ZNF26: variants seen among roughly 807,000 people sequenced by gnomAD.
ZNF26 encodes the protein epididymis luminal protein 179.
In ZNF26, 32 loss-of-function variants were observed where a neutral mutation model predicts 54.9. That is an observed-to-expected ratio of 0.58 (90% confidence interval 0.44 to 0.78). The LOEUF (loss-of-function observed/expected upper bound fraction) is 0.78, where lower values mean the gene tolerates loss of function less well. Among genes scored for constraint, ZNF26 ranks in the 30% least tolerant of loss-of-function variants. ZNF26 has a pLI of 0.00. For synonymous variants in ZNF26, 221 were observed against 209.2 expected, an observed-to-expected ratio of 1.06 and a Z score of -0.49; for missense variants, 524 against 634.0, an observed-to-expected ratio of 0.83 and a Z score of 1.86.
intron 2 of ZNF26, 59 bp from the exon 3 acceptor site, chr12:133,007,378 A>G (rs1953354063): frequency 6.8e-7 from 1 of 1,466,028 alleles, no homozygotes; most frequent in Non-Finnish European, 9.4e-7. Flanking sequence ...GTAGCTCTTG[A>G]TTCCTCGGTC....
chr12:132,999,575 A>G (rs999065012), intron 1 of ZNF26, among the ~76,000 whole-genome samples: 1 of 151,886 alleles, frequency 6.6e-6, no homozygotes, highest in Non-Finnish European at 1.5e-5. Context: ...TTTAAAGAAA[A>G]TGATTTTAGT....
At chr12:133,007,733 A>G (rs1302141644) in intron 3 of ZNF26, among the ~76,000 whole-genome samples, 8 of 152,060 alleles carry the variant, frequency 5.3e-5, no homozygotes, top group Non-Finnish European at 1.2e-4. Flanking sequence ...CTTCCCCCTT[A>G]CTGTTGAGAG....
chr12:133,008,669 A>C (rs966836147), intron 3 of ZNF26, among the ~76,000 whole-genome samples: 1 of 150,778 alleles, frequency 6.6e-6, no homozygotes, highest in African/African-American at 2.4e-5. Context: ...CCAGCTACTC[A>C]GGAGGCTGAG....
chr12:133,013,249 G>C lies in ZNF26; in HGVS notation c.*1768G>C, dbSNP rs1953519700. 2.6e-5 allele frequency: 4 copies of C among 152,370 alleles called. No individual in the cohort carries two copies. The East Asian group carries it at 5.8e-4, about 22-fold the overall frequency. 9.4% of individuals were successfully genotyped at this position (152,370 alleles called of 1,614,324 possible). On this transcript the variant is annotated 3_prime_UTR_variant, in exon 4 of 4. Coordinates refer to ENST00000328654, the MANE Select transcript of ZNF26 (RefSeq NM_019591.4). ...AGCCCTGAAATCTCACCTCAGGGTG[G>C]AGTGTCAGACTTGGCAACTTTGACA...
intron 1 of ZNF26, 104 bp downstream of exon 1, chr12:132,986,977 T>C: frequency 7.5e-7 from 1 of 1,324,640 alleles, no homozygotes; most frequent in Middle Eastern, 1.8e-4. Flanking sequence ...TCAGCTGTAA[T>C]TGTGTGCGTA....
At position 133,022,337 on chromosome 12, in the gene ZNF26, CAAATT is replaced by C. The variant is rs1953654845; in HGVS notation, c.*10857_*10861del. On this transcript the variant is annotated 3_prime_UTR_variant, in exon 4 of 4. Coordinates refer to ENST00000328654, the MANE Select transcript of ZNF26 (RefSeq NM_019591.4). ...AAAAATAATATAAAATGGGATTTAA[CAAATT>C]GAATCAATTTTCAGTGGCATCAAAA... 1 of 152,136 alleles carries C rather than the reference CAAATT, an allele frequency of 6.6e-6. No homozygotes were observed. Among genetic ancestry groups the C allele is most frequent in the African/African-American group, 2.4e-5 (1 of 41,434 alleles). The allele number at this position is 152,136 out of a possible 1,614,324, so 9.4% of individuals were successfully genotyped here.
At position 133,022,329 on chromosome 12, in the gene ZNF26, G is replaced by A. The variant is rs1433063927; in HGVS notation, c.*10848G>A. 2.0e-5 allele frequency: 3 copies of A among 152,106 alleles called. No homozygotes were observed. The highest frequency in any genetic ancestry group is 7.2e-5 in the African/African-American group (3 of 41,506). The allele number at this position is 152,106 out of a possible 1,614,324, so 9.4% of individuals were successfully genotyped here. A position where few individuals can be genotyped will look rare whatever the true frequency, so the allele number is the denominator to read the frequency against. ...TATATCAGAAAAATAATATAAAATG[G>A]GATTTAACAAATTGAATCAATTTTC... On this transcript the variant is annotated 3_prime_UTR_variant, in exon 4 of 4. Transcript: ENST00000328654.
rs1435142953 is a variant in ZNF26 at position 133,014,495 on chromosome 12, G to A, written c.*3014G>A. 2 of 151,884 alleles carry A rather than the reference G, an allele frequency of 1.3e-5. No homozygotes were observed. Among genetic ancestry groups the A allele is most frequent in the Admixed American group, 6.6e-5 (1 of 15,260 alleles). 9.4% of individuals were successfully genotyped at this position (151,884 alleles called of 1,614,324 possible). On this transcript the variant is annotated 3_prime_UTR_variant, in exon 4 of 4. Transcript: ENST00000328654. ...ACTTACAGCATATACTTGGTGCACT[G>A]ACACCCAGCAGTGATGATGGTTTTG... is the stretch of plus-strand genomic sequence containing the variant.
chr12:132,994,547 C>A (rs1289700617), intron 1 of ZNF26, among the ~76,000 whole-genome samples: 1 of 152,148 alleles, frequency 6.6e-6, no homozygotes, highest in African/African-American at 2.4e-5. Context: ...GATAGATATT[C>A]TTCTAGGTCT....
chr12:132,992,781 T>A (rs1405951119), intron 1 of ZNF26, among the ~76,000 whole-genome samples: 2 of 152,152 alleles, frequency 1.3e-5, no homozygotes, highest in Non-Finnish European at 2.9e-5. Context: ...GCACCGACTG[T>A]CTTTCTTCTG....
Position 133,015,802 on chromosome 12 carries a change from A to G in ZNF26, c.*4321A>G, listed in dbSNP as rs1380835221. ...CAGTCTGAGATCAGGCTGGAGGCCAAAAGGAACTCTTGACCTGAGACAGTT... is the reference window on the plus strand; with the variant it reads ...CAGTCTGAGATCAGGCTGGAGGCCAGAAGGAACTCTTGACCTGAGACAGTT... On this transcript the variant is annotated 3_prime_UTR_variant, in exon 4 of 4. Transcript: ENST00000328654. 6.6e-6 allele frequency: 1 copy of G among 152,252 alleles called. No homozygotes were observed. The highest frequency in any genetic ancestry group is 1.5e-5 in the Non-Finnish European group (1 of 68,042). 9.4% of individuals were successfully genotyped at this position (152,252 alleles called of 1,614,324 possible).
At position 133,007,148 on chromosome 12, in the gene ZNF26, A is replaced by C; in HGVS notation, c.140A>C (p.Tyr47Ser). The change falls in exon 2 of 4, where the codon TAT becomes TCT. Residue 47 changes from tyrosine (Y) to serine (S), a missense_variant. By Grantham distance (144) the Tyr-to-Ser change is moderately radical. Coordinates refer to ENST00000328654, the MANE Select transcript of ZNF26 (RefSeq NM_019591.4). ...TACAGAGATGTGATATTGGAAAACT[A>C]TCATAACCTGATATCAGTGGGTAAG... ...YLYRDVILENYHNLISVGYHG... is the reference protein window; with the variant it reads ...YLYRDVILENSHNLISVGYHG... 1 of 1,614,218 alleles carries C rather than the reference A, an allele frequency of 6.2e-7. No individual in the cohort carries two copies. The highest frequency in any genetic ancestry group is 8.5e-7 in the Non-Finnish European group (1 of 1,180,016).
In ZNF26 at chr12:133,011,562, C is replaced by T; in HGVS notation, c.*81C>T. On this transcript the variant is annotated 3_prime_UTR_variant, in exon 4 of 4. Coordinates refer to ENST00000328654, the MANE Select transcript of ZNF26 (RefSeq NM_019591.4). ...AGACAGGATTTACAAGCAGGAGGCCCTAAAATTACACTCATGTCAAAAATC... is the reference window on the plus strand; with the variant it reads ...AGACAGGATTTACAAGCAGGAGGCCTTAAAATTACACTCATGTCAAAAATC... 1 of 1,387,044 alleles carries T rather than the reference C, an allele frequency of 7.2e-7. No homozygotes were observed. Among genetic ancestry groups the T allele is most frequent in the Middle Eastern group, 1.9e-4 (1 of 5,266 alleles). 85.9% of individuals were successfully genotyped at this position (1,387,044 alleles called of 1,614,324 possible). A position where few individuals can be genotyped will look rare whatever the true frequency, so the allele number is the denominator to read the frequency against.
chr12:133,006,334 C>T, intron 1 of ZNF26: 1 of 975,446 alleles, frequency 1.0e-6, no homozygotes, highest in Non-Finnish European at 1.2e-6. Context: ...TCCTGAATTG[C>T]CCTTTCTACC....
intron 1 of ZNF26, among the ~76,000 whole-genome samples, chr12:133,003,066 C>T (rs1365145069): frequency 6.6e-6 from 1 of 152,072 alleles, no homozygotes; most frequent in Admixed American, 6.6e-5. Flanking sequence ...CAGTTCACAC[C>T]TCATTCTCAT....
chr12:132,995,013 C>T (rs1953045928), intron 1 of ZNF26, among the ~76,000 whole-genome samples: 1 of 152,120 alleles, frequency 6.6e-6, no homozygotes, highest in African/African-American at 2.4e-5. Flanking sequence ...CCATTGAGAA[C>T]CACTGGGCAC....
At chr12:133,003,400 A>G (rs1048506674) in intron 1 of ZNF26, among the ~76,000 whole-genome samples, 1 of 151,544 alleles carries the variant, frequency 6.6e-6, no homozygotes, top group Non-Finnish European at 1.5e-5. Context: ...GACTACAGGC[A>G]CCCGCCACCA....
At chr12:132,999,701 AT>A (rs71453173) in intron 1 of ZNF26, among the ~76,000 whole-genome samples, 3 of 150,596 alleles carry the variant, frequency 2.0e-5, no homozygotes, top group African/African-American at 4.9e-5. Flanking sequence ...TGAAAAAAAA[AT>A]TTTTTTTTGA....
At position 133,010,848 on chromosome 12, in the gene ZNF26, T is replaced by A. The variant is rs1251004150; in HGVS notation, c.969T>A (p.Phe323Leu). 6.2e-7 allele frequency: 1 copy of A among 1,612,740 alleles called. No individual in the cohort carries two copies. The highest frequency in any genetic ancestry group is 1.3e-5 in the African/African-American group (1 of 74,480). The change falls in exon 4 of 4, where the codon TTT (phenylalanine) becomes TTA (leucine). Residue 323 changes from phenylalanine to leucine, a missense_variant. By Grantham distance (22) the Phe-to-Leu change is conservative (BLOSUM62 0). Coordinates refer to ENST00000328654, the MANE Select transcript of ZNF26 (RefSeq NM_019591.4). ...AATGCAGTGAATGTGGGAAAGCCTT[T>A]AGGAGTAAGTCCTATCTCCTTGTTC... Reference protein sequence around the residue: ...PHKCSECGKAFRSKSYLLVHI... With the variant: ...PHKCSECGKALRSKSYLLVHI...
Sources: gnomAD v4.1 joint callset for allele counts (sites outside exome capture counted in the v4.1 genomes callset) on GRCh38, gnomAD v4.1.1 for gene constraint, MANE v1.5 for transcripts, NCBI Gene and HGNC (gene_info 2026-07-23, HGNC 2026-07-21) for gene names.